The following SRCAP variants were observed in gnomAD, a reference collection of about 807,000 sequenced individuals.
SRCAP encodes Snf2 related CREBBP activator protein.
A neutral mutation model predicts 263.1 loss-of-function variants in SRCAP; 46 were observed. The observed-to-expected ratio is 0.17, with a 90% confidence interval of 0.14 to 0.22. SRCAP has a LOEUF of 0.22. Among genes scored for constraint, SRCAP ranks in the 10% least tolerant of loss-of-function variants. The pLI, the probability that SRCAP is intolerant of heterozygous loss-of-function variation, is 1.00. For synonymous variants in SRCAP, 1,813 were observed against 1,662.1 expected (o/e 1.09, Z -2.21); for missense variants, 3,695 against 4,181.9 (o/e 0.88, Z 3.21).
At chr16:30,711,182 C>A in intron 10 of SRCAP, 94 bp downstream of exon 10, 1 of 921,160 alleles carries the variant, frequency 1.1e-6, no homozygotes, top group Non-Finnish European at 1.7e-6. Context: ...TTTGTATCCA[C>A]CCTGGAGGAA....
Position 30,723,804 on chromosome 16 carries a change from A to T in SRCAP, c.4380A>T (p.Ser1460=). The T allele has an allele frequency of 1.2e-6, 2 of 1,612,970 alleles. No homozygotes were observed. The highest frequency in any genetic ancestry group is 2.2e-5 in the South Asian group (2 of 91,002). ...CGGCTCCACTCACCATCCCCATCTCAGCCCCCTTGACTGTTTCTGCTTCGG... is the reference window on the plus strand; with the variant it reads ...CGGCTCCACTCACCATCCCCATCTCTGCCCCCTTGACTGTTTCTGCTTCGG... ...PASAPLTIPI[S]APLTVSASGP... The change falls in exon 25 of 34, where the codon TCA becomes TCT. Residue 1460 remains serine, a synonymous_variant. Transcript: ENST00000262518.
chr16:30,722,825 A>C, intron 23 of SRCAP, 77 bp downstream of exon 23: 1 of 1,552,460 alleles, frequency 6.4e-7, no homozygotes, highest in Non-Finnish European at 8.7e-7. Flanking sequence ...CTGTCTGTCC[A>C]GCCTTCCCTC....
intron 30 of SRCAP, 28 bp downstream of exon 30, chr16:30,734,036 C>G (rs775496947): frequency 4.5e-6 from 7 of 1,552,684 alleles, no homozygotes; most frequent in African/African-American, 1.4e-5. Context: ...TTAGCCTATG[C>G]AGGAGAAAAC....
Position 30,734,468 on chromosome 16 carries a change from T to C in SRCAP, c.6610-28T>C, listed in dbSNP as rs574960943. 3 of 1,613,218 alleles carry C rather than the reference T, an allele frequency of 1.9e-6. No individual in the cohort carries two copies. In the South Asian group the frequency reaches 3.3e-5, roughly 18 times the overall value. On this transcript the variant is annotated intron_variant, in intron 30 of 33. Transcript: ENST00000262518. ...CCTAAGACTAGCATTCTGTTGACTCTGACACTTCCCTCTGTTCTATCCGAT... is the reference window on the plus strand; with the variant it reads ...CCTAAGACTAGCATTCTGTTGACTCCGACACTTCCCTCTGTTCTATCCGAT...
chr16:30,724,552 C>A lies in SRCAP; in HGVS notation c.5128C>A (p.Pro1710Thr), dbSNP rs1445027643. Residue 1710 changes from proline to threonine, a missense_variant, in exon 25 of 34, where the codon CCC becomes ACC. By Grantham distance (38) the Pro-to-Thr change is conservative. Transcript: ENST00000262518. The stretch of plus-strand genomic sequence containing the variant: ...TTTGGGAACGGGGAACCCCCAGGGA[C>A]CCTTTCCAACTCAGACATTGTCATT... ...LSLGTGNPQGPFPTQTLSLTP... is the reference protein window; with the variant it reads ...LSLGTGNPQGTFPTQTLSLTP... 1.2e-6 allele frequency: 2 copies of A among 1,614,212 alleles called. No individual in the cohort carries two copies. The highest frequency in any genetic ancestry group is 3.3e-5 in the Admixed American group (2 of 60,020).
Position 30,712,598 on chromosome 16 carries a change from A to AGGG in SRCAP, c.1994-80_1994-78dup. On this transcript the variant is annotated intron_variant, in intron 13 of 33. Coordinates refer to ENST00000262518, the MANE Select transcript of SRCAP (RefSeq NM_006662.3). ...TGCTAGGATTCCTAGGAAGGGCCAA[A>AGGG]GGGTGGCCAGGGTTATAACTGAGAA... 4 of 1,586,422 alleles carry AGGG rather than the reference A, an allele frequency of 2.5e-6. No homozygotes were observed. The South Asian group carries it at 4.5e-5, about 18-fold the overall frequency.
At position 30,738,498 on chromosome 16, in the gene SRCAP, C is replaced by T. The variant is rs1363308826; in HGVS notation, c.8458C>T (p.Pro2820Ser). 1 of 1,607,652 alleles carries T rather than the reference C, an allele frequency of 6.2e-7. No homozygotes were observed. The highest frequency in any genetic ancestry group is 8.5e-7 in the Non-Finnish European group (1 of 1,176,714). The change falls in exon 34 of 34, where the codon CCA (proline) becomes TCA (serine). Residue 2820 changes from proline to serine, a missense_variant. Pro to Ser is a moderately conservative substitution (Grantham distance 74). Transcript: ENST00000262518. ...TGCTCCTTCATCCTCACTGCCCACT[C>T]CACCCCAGCAGCCCTTCATTGCTCG... is the stretch of plus-strand genomic sequence containing the variant. ...EAAPSSSLPT[P>S]PQQPFIARRH...
intron 1 of SRCAP, among the ~76,000 whole-genome samples, 177 bp from the exon 2 acceptor site, chr16:30,699,731 G>A (rs375554832): frequency 1.3e-5 from 2 of 151,792 alleles, no homozygotes; most frequent in Non-Finnish European, 2.9e-5. Context: ...TCCTGCTCCT[G>A]CCCCCAGGCA....
At chr16:30,699,491 G>C (rs750950979) in intron 1 of SRCAP, among the ~76,000 whole-genome samples, 1 of 152,122 alleles carries the variant, frequency 6.6e-6, no homozygotes, top group Non-Finnish European at 1.5e-5. Flanking sequence ...ACAGCGCCCT[G>C]CCCTGAATCC....
chr16:30,720,924 C>T lies in SRCAP; in HGVS notation c.3199C>T (p.Pro1067Ser). ...GPPLIPASRP[P>S]GPVLLPPLQP... ...CCCGCTTATTCCTGCATCTCGGCCT[C>T]CTGGCCCTGTCCTCTTGCCTCCACT... The change falls in exon 20 of 34, where the codon CCT (proline) becomes TCT (serine). Residue 1067 changes from proline (P) to serine (S), a missense_variant. By Grantham distance (74) the Pro-to-Ser change is moderately conservative. This residue lies in a region of SRCAP where 1,347 missense variants were observed against 1,304.4 expected (regional missense o/e 1.03). Transcript: ENST00000262518. The T allele has an allele frequency of 1.2e-6, 2 of 1,613,980 alleles. No homozygotes were observed. Among genetic ancestry groups the T allele is most frequent in the East Asian group, 2.2e-5 (1 of 44,892 alleles).
intron 8 of SRCAP, 146 bp from the exon 9 acceptor site, chr16:30,710,608 T>C (rs1423970749): frequency 1.1e-6 from 1 of 899,804 alleles, no homozygotes; most frequent in African/African-American, 1.6e-5. Flanking sequence ...AGAAAACCCT[T>C]GATTGTATTC....
chr16:30,702,524 G>A (rs999252417), intron 3 of SRCAP, among the ~76,000 whole-genome samples: 91 of 149,978 alleles, frequency 6.1e-4, no homozygotes, highest in Middle Eastern at 6.9e-3. Flanking sequence ...GTGAGCCACC[G>A]TGCCCAGCCC....
chr16:30,728,900 G>C, intron 25 of SRCAP, 66 bp from the exon 26 acceptor site: 1 of 1,512,256 alleles, frequency 6.6e-7, no homozygotes, highest in Non-Finnish European at 8.9e-7. Flanking sequence ...CATCTGGGAA[G>C]AACAGTCAGG....
chr16:30,711,906 G>C lies in SRCAP; in HGVS notation c.1564G>C (p.Ala522Pro), dbSNP rs761698795. The C allele has an allele frequency of 6.2e-7, 1 of 1,613,892 alleles. No individual in the cohort carries two copies. The highest frequency in any genetic ancestry group is 1.1e-5 in the South Asian group (1 of 91,070). ...SEEEETSGSS[A>P]SEESESEESE... is the part of the protein sequence containing the mutation. Reference sequence around the variant, plus strand: ...GGAGGAAGAAACAAGTGGAAGTTCAGCATCAGAGGAATCTGAGTCTGAAGA... The same window carrying C: ...GGAGGAAGAAACAAGTGGAAGTTCACCATCAGAGGAATCTGAGTCTGAAGA... Residue 522 changes from alanine to proline, a missense_variant, in exon 12 of 34, where the codon GCA (alanine) becomes CCA (proline). This residue lies in a region of SRCAP where 288 missense variants were observed against 302.4 expected (regional missense o/e 0.95). Transcript: ENST00000262518.
At position 30,712,061 on chromosome 16, in the gene SRCAP, A is replaced by G. The variant is rs1464557679; in HGVS notation, c.1719A>G (p.Pro573=). 3 of 1,614,058 alleles carry G rather than the reference A, an allele frequency of 1.9e-6. No homozygotes were observed. The highest frequency in any genetic ancestry group is 3.3e-5 in the Admixed American group (2 of 59,998). The stretch of plus-strand genomic sequence containing the variant: ...ATGCAGGCAGTGGGCCTCCTACTCC[A>G]GGGCCCACTACTCTAGGTCCAAAGA... ...EADAGSGPPT[P]GPTTLGPKKE... is the part of the protein sequence containing the mutation. Residue 573 remains proline (P), a synonymous_variant, in exon 12 of 34, where the codon CCA becomes CCG. Coordinates refer to ENST00000262518, the MANE Select transcript of SRCAP (RefSeq NM_006662.3).
chr16:30,716,192 G>T lies in SRCAP; in HGVS notation c.2620G>T (p.Ala874Ser), dbSNP rs1185452168. The part of the protein sequence containing the change: ...RQRCLYDDFM[A>S]QTTTKETLAT... ...ACGCTGTCTCTATGATGACTTCATG[G>T]CACAGACCACGTAAGGGAGGAAGGA... The change falls in exon 17 of 34, where the codon GCA (alanine) becomes TCA (serine). Residue 874 changes from alanine to serine, a missense_variant. This residue lies in a region of SRCAP where 147 missense variants were observed against 212.7 expected (regional missense o/e 0.69). Transcript: ENST00000262518. 6.2e-7 allele frequency: 1 copy of T among 1,614,150 alleles called. No homozygotes were observed. Among genetic ancestry groups the T allele is most frequent in the Admixed American group, 1.7e-5 (1 of 60,012 alleles).
chr16:30,723,232 G>A lies in SRCAP; in HGVS notation c.4159+3G>A, dbSNP rs774971384. On this transcript the variant is annotated splice_donor_region_variant and intron_variant, in intron 24 of 33. Coordinates refer to ENST00000262518, the MANE Select transcript of SRCAP (RefSeq NM_006662.3). ...CAGTCCTTCACCTGAAGTCAGTGGT[G>A]AGTCCAGGTGGCTGAGGCCAGAAAT... is the stretch of plus-strand genomic sequence containing the variant. 6.3e-7 allele frequency: 1 copy of A among 1,590,654 alleles called. No individual in the cohort carries two copies. Among genetic ancestry groups the A allele is most frequent in the South Asian group, 1.1e-5 (1 of 89,652 alleles).
intron 16 of SRCAP, among the ~76,000 whole-genome samples, chr16:30,714,210 G>C (rs554382153): frequency 6.6e-6 from 1 of 151,440 alleles, no homozygotes; most frequent in South Asian, 2.1e-4. Flanking sequence ...GACTAAAGGC[G>C]CCCACCACCA....
chr16:30,731,753 A>G (rs746169584), intron 27 of SRCAP, among the ~76,000 whole-genome samples: 6 of 152,132 alleles, frequency 3.9e-5, no homozygotes, highest in Non-Finnish European at 8.8e-5. Flanking sequence ...CCAGCTACTC[A>G]GATGGCTGGA....
Sources: gnomAD v4.1 joint callset for allele counts (sites outside exome capture counted in the v4.1 genomes callset) on GRCh38, gnomAD v4.1.1 for gene constraint, gnomAD v4.1.1 regional missense constraint, MANE v1.5 for transcripts, NCBI Gene and HGNC (gene_info 2026-07-23, HGNC 2026-07-21) for gene names.